PNPT1: variants seen among roughly 807,000 people sequenced by gnomAD.
PNPT1 encodes the protein polyribonucleotide nucleotidyltransferase 1.
A neutral mutation model predicts 119.5 loss-of-function variants in PNPT1; 53 were observed. The ratio of observed to expected loss-of-function variants is 0.44; its 90% CI spans 0.36 to 0.56. The LOEUF is 0.56. Ranked by LOEUF, PNPT1 falls within the 20% of genes least tolerant of loss-of-function variation. PNPT1 has a pLI of 0.00. For missense variants in PNPT1, 948 were observed against 938.5 expected (o/e 1.01, Z -0.13); for synonymous variants, 357 against 322.1 (o/e 1.11, Z -1.16).
intron 23 of PNPT1, 24 bp downstream of exon 23, chr2:55,644,613 C>A (rs577387722): frequency 5.2e-6 from 8 of 1,551,070 alleles, no homozygotes; most frequent in African/African-American, 1.4e-5. Flanking sequence ...AATTAAAAAA[C>A]CCCAAACTTC....
In PNPT1 at chr2:55,683,826, T is replaced by C. The variant is rs76401964; in HGVS notation, c.412A>G (p.Ile138Val). The C allele has an allele frequency of 2.7e-4, 435 of 1,613,826 alleles. 2 individuals are homozygous for C. In the African/African-American group the frequency reaches 3.1e-3, roughly 12 times the overall value. Residue 138 changes from isoleucine (I) to valine (V), a missense_variant, in exon 5 of 28, where the codon ATT becomes GTT. Transcript: ENST00000447944. ...ILTSRIIDRS[I>V]RPLFPAGYFY... ...TAGCCAGCTGGAAAGAGCGGTCTAATTGAACGATCTGCCAAAAGAAAAAAA... is the reference window on the plus strand; with the variant it reads ...TAGCCAGCTGGAAAGAGCGGTCTAACTGAACGATCTGCCAAAAGAAAAAAA...
intron 2 of PNPT1, 126 bp from the exon 3 acceptor site, chr2:55,686,570 T>C: frequency 1.5e-6 from 1 of 676,480 alleles, no homozygotes. Context: ...GACACGATTA[T>C]GAAATAAAAA....
At chr2:55,650,895 T>TG (rs1161996491) in intron 18 of PNPT1, among the ~76,000 whole-genome samples, 24 of 136,604 alleles carry the variant, frequency 1.8e-4, no homozygotes, top group South Asian at 4.9e-4. Flanking sequence ...GGCAGGGAGG[T>TG]GGGGGGGTCA....
intron 21 of PNPT1, 150 bp from the exon 22 acceptor site, chr2:55,645,582 T>A: frequency 1.8e-6 from 1 of 554,986 alleles, no homozygotes; most frequent in Middle Eastern, 3.8e-4. Context: ...TTCACTCATA[T>A]TCTCTTCTCC....
Position 55,675,289 on chromosome 2 carries a change from C to CA in PNPT1, c.680-2211dup, listed in dbSNP as rs757171568. On this transcript the variant is annotated intron_variant, in intron 8 of 27. Transcript: ENST00000447944. ...GTTGAGGAGAGTTGAGAACCAGATTCAAAAAAAAAAAAAATATGGCTGGGC... is the reference window on the plus strand; with the variant it reads ...GTTGAGGAGAGTTGAGAACCAGATTCAAAAAAAAAAAAAAATATGGCTGGGC... 7.3e-3 allele frequency among the ~76,000 whole-genome samples: 940 copies of CA among 128,324 alleles called. 10 individuals are homozygous for CA. Among genetic ancestry groups the CA allele is most frequent in the Middle Eastern group, 0.037 (9 of 240 alleles). 84.2% of individuals were successfully genotyped at this position (128,324 alleles called of 152,430 possible). A position where few individuals can be genotyped will look rare whatever the true frequency, so the allele number is the denominator to read the frequency against.
rs1159964275 is a variant in PNPT1, at chr2:55,634,525, G to C, written c.*1712C>G. The C allele has an allele frequency of 6.6e-6, 1 of 150,708 alleles. No homozygotes were observed. Among genetic ancestry groups the C allele is most frequent in the Non-Finnish European group, 1.5e-5 (1 of 67,932 alleles). The allele number at this position is 150,708 out of a possible 1,614,324, so 9.3% of individuals were successfully genotyped here. A position where few individuals can be genotyped will look rare whatever the true frequency, so the allele number is the denominator to read the frequency against. ...AATCCACCCGCCTCGGCCTCCCAAA[G>C]TGCTGGAATTACAGGCATGAGCTTC... is the stretch of plus-strand genomic sequence containing the variant. On this transcript the variant is annotated 3_prime_UTR_variant, in exon 28 of 28. Coordinates refer to ENST00000447944, the MANE Select transcript of PNPT1 (RefSeq NM_033109.5).
chr2:55,690,940 T>A (rs552890363), intron 1 of PNPT1, among the ~76,000 whole-genome samples: 1 of 152,358 alleles, frequency 6.6e-6, no homozygotes, highest in South Asian at 2.1e-4. Flanking sequence ...CAGTATTAAG[T>A]AATGGTTTCA....
chr2:55,650,218 G>A (rs1034416575), intron 18 of PNPT1, among the ~76,000 whole-genome samples: 7 of 152,094 alleles, frequency 4.6e-5, no homozygotes, highest in African/African-American at 1.7e-4. Context: ...CTCTGATGCC[G>A]AGCTGAAGCT....
intron 15 of PNPT1, among the ~76,000 whole-genome samples, chr2:55,659,248 C>A (rs958550430): frequency 3.3e-5 from 5 of 152,212 alleles, no homozygotes; most frequent in Non-Finnish European, 5.9e-5. Flanking sequence ...AGCTACCATG[C>A]CCTGCTCTCC....
chr2:55,674,331 C>T lies in PNPT1; in HGVS notation c.680-1252G>A, dbSNP rs530690311. Reference sequence around the variant, plus strand: ...TATAGAGGCTGAGCGTGGTGGCTCACACCTGTAATCCCAGCACTTTGGGAG... The same window carrying T: ...TATAGAGGCTGAGCGTGGTGGCTCATACCTGTAATCCCAGCACTTTGGGAG... On this transcript the variant is annotated intron_variant, in intron 8 of 27. Coordinates refer to ENST00000447944, the MANE Select transcript of PNPT1 (RefSeq NM_033109.5). Among the ~76,000 whole-genome samples the T allele has an allele frequency of 2.0e-5, 3 of 152,322 alleles. No individual in the cohort carries two copies. In the South Asian group the frequency reaches 6.2e-4, roughly 32 times the overall value.
In PNPT1 at chr2:55,667,941, C is replaced by T. The variant is rs749066411; in HGVS notation, c.994G>A (p.Asp332Asn). The T allele has an allele frequency of 6.3e-6, 10 of 1,576,968 alleles. No homozygotes were observed. The highest frequency in any genetic ancestry group is 4.2e-5 in the African/African-American group (3 of 71,882). Reference sequence around the variant, plus strand: ...AAGGATTCTATTATTTCATATGGATCGGCTTCTGGAAATTTTTCTATAGAA... The same window carrying T: ...AAGGATTCTATTATTTCATATGGATTGGCTTCTGGAAATTTTTCTATAGAA... ...EQLKEKFPEA[D>N]PYEIIESFNV... Residue 332 changes from aspartate to asparagine, a missense_variant, in exon 12 of 28, where the codon GAT (aspartate) becomes AAT (asparagine). Coordinates refer to ENST00000447944, the MANE Select transcript of PNPT1 (RefSeq NM_033109.5).
At chr2:55,660,429 G>C (rs1696529011) in intron 14 of PNPT1, among the ~76,000 whole-genome samples, 1 of 152,150 alleles carries the variant, frequency 6.6e-6, no homozygotes, top group South Asian at 2.1e-4. Flanking sequence ...TTAAATATAA[G>C]TCCTTAAATA....
intron 13 of PNPT1, among the ~76,000 whole-genome samples, chr2:55,662,318 T>C (rs1484255601): frequency 1.3e-5 from 2 of 152,134 alleles, no homozygotes; most frequent in East Asian, 3.9e-4. Context: ...TTAAGAACTA[T>C]GTAGGAGAGT....
chr2:55,683,685 T>C (rs1697314648), intron 5 of PNPT1, 100 bp downstream of exon 5: 8 of 1,097,126 alleles, frequency 7.3e-6, no homozygotes, highest in Non-Finnish European at 1.0e-5. Flanking sequence ...CATAAAAAAT[T>C]CTTATGTTCT....
At position 55,660,208 on chromosome 2, in the gene PNPT1, CATA is replaced by C; in HGVS notation, c.1248-18_1248-16del. 7 of 1,578,100 alleles carry C rather than the reference CATA, an allele frequency of 4.4e-6. No homozygotes were observed. The highest frequency in any genetic ancestry group is 6.0e-6 in the Non-Finnish European group (7 of 1,160,928). On this transcript the variant is annotated splice_polypyrimidine_tract_variant and intron_variant, in intron 14 of 27. Coordinates refer to ENST00000447944, the MANE Select transcript of PNPT1 (RefSeq NM_033109.5). ...CTTTTATCCCACTAAAAATAAAAGG[CATA>C]ATATTAAAAACATCATAGGGAAAAA...
At chr2:55,684,063 G>A (rs868707972) in intron 4 of PNPT1, among the ~76,000 whole-genome samples, 2 of 152,184 alleles carry the variant, frequency 1.3e-5, no homozygotes, top group Non-Finnish European at 2.9e-5. Flanking sequence ...AGATTGGGGA[G>A]CAATTTTTCA....
chr2:55,640,778 T>C (rs1695810701), intron 25 of PNPT1, 73 bp from the exon 26 acceptor site: 2 of 1,035,798 alleles, frequency 1.9e-6, no homozygotes, highest in Admixed American at 2.3e-5. Context: ...TAAAACATTG[T>C]TTTCATATGA....
chr2:55,687,220 A>AAC (rs1352088419), intron 2 of PNPT1, among the ~76,000 whole-genome samples: 8 of 149,180 alleles, frequency 5.4e-5, no homozygotes, highest in Non-Finnish European at 1.2e-4. Flanking sequence ...TCTCAAAAAA[A>AAC]AAAAAAAAAA....
intron 11 of PNPT1, among the ~76,000 whole-genome samples, chr2:55,668,784 G>C (rs1416758585): frequency 6.6e-6 from 1 of 152,022 alleles, no homozygotes; most frequent in Non-Finnish European, 1.5e-5. Flanking sequence ...ATCTTTAGTA[G>C]AGACGGGGTT....
Sources: gnomAD v4.1 joint callset for allele counts (sites outside exome capture counted in the v4.1 genomes callset) on GRCh38, gnomAD v4.1.1 for gene constraint, MANE v1.5 for transcripts, NCBI Gene and HGNC (gene_info 2026-07-23, HGNC 2026-07-21) for gene names.